MED13L: variants seen among roughly 807,000 people sequenced by gnomAD.
The protein encoded by MED13L is mediator of RNA polymerase II transcription subunit 13-like.
A neutral mutation model predicts 220.9 loss-of-function variants in MED13L; 7 were observed. The observed-to-expected ratio is 0.03, with a 90% CI of 0.02 to 0.06. The LOEUF (loss-of-function observed/expected upper bound fraction) is 0.06, where lower values mean the gene tolerates loss of function less well. Among genes scored for constraint, MED13L ranks in the 10% least tolerant of loss-of-function variants. The probability of loss-of-function intolerance (pLI) is 1.00; values close to 1 mark genes in which losing one functional copy is unlikely to be tolerated. For synonymous variants in MED13L, 1,011 were observed against 1,015.2 expected, an observed-to-expected ratio of 1.00 and a Z score of 0.08; for missense variants, 1,965 against 2,760.5, an observed-to-expected ratio of 0.71 and a Z score of 6.46.
chr12:116,007,369 G>C, intron 11 of MED13L, 42 bp downstream of exon 11: 10 of 1,562,880 alleles, frequency 6.4e-6, no homozygotes, highest in Non-Finnish European at 8.8e-6. Context: ...GACATAGATA[G>C]AAACCCACAC....
intron 3 of MED13L, among the ~76,000 whole-genome samples, chr12:116,102,878 C>T (rs757076375): frequency 6.6e-6 from 1 of 151,722 alleles, no homozygotes; most frequent in African/African-American, 2.4e-5. Context: ...CGCCCCACCA[C>T]GCCTAATTTT....
chr12:116,181,869 T>C (rs1025618047), intron 2 of MED13L, among the ~76,000 whole-genome samples: 6 of 152,196 alleles, frequency 3.9e-5, no homozygotes, highest in Non-Finnish European at 8.8e-5. Context: ...TAAGATTACA[T>C]TTCTTCAAAC....
intron 2 of MED13L, among the ~76,000 whole-genome samples, chr12:116,139,164 CT>C (rs35030526): frequency 0.02 from 3,019 of 152,298 alleles, 55 homozygotes; most frequent in Non-Finnish European, 0.031. Flanking sequence ...CAAAGACCCC[CT>C]GAGTCAAGAA....
chr12:116,198,432 T>C (rs567217385), intron 2 of MED13L, among the ~76,000 whole-genome samples: 1 of 152,314 alleles, frequency 6.6e-6, no homozygotes, highest in Admixed American at 6.5e-5. Context: ...AATCTAACTC[T>C]TCTGTAAAGG....
At chr12:116,122,182 A>G (rs1875162398) in intron 2 of MED13L, among the ~76,000 whole-genome samples, 1 of 152,230 alleles carries the variant, frequency 6.6e-6, no homozygotes, top group Non-Finnish European at 1.5e-5. Flanking sequence ...ACATGTATCC[A>G]CTTAATCTAA....
At chr12:116,084,570 GA>G (rs1441058525) in intron 4 of MED13L, among the ~76,000 whole-genome samples, 1 of 152,062 alleles carries the variant, frequency 6.6e-6, no homozygotes, top group Non-Finnish European at 1.5e-5. Context: ...ATCATTAGCA[GA>G]AAAAAGTTAT....
chr12:115,966,032 A>C, intron 29 of MED13L, 50 bp downstream of exon 29: 1 of 1,593,840 alleles, frequency 6.3e-7, no homozygotes, highest in Non-Finnish European at 8.6e-7. Context: ...ATTAAATTTA[A>C]GCGTAAATCA....
intron 8 of MED13L, 97 bp downstream of exon 8, chr12:116,015,012 T>C (rs966620455): frequency 3.4e-6 from 4 of 1,191,984 alleles, no homozygotes; most frequent in Middle Eastern, 2.1e-4. Context: ...CCTCTCAAGT[T>C]TGGTCACACA....
At chr12:116,191,667 G>A (rs1004594881) in intron 2 of MED13L, among the ~76,000 whole-genome samples, 1 of 151,968 alleles carries the variant, frequency 6.6e-6, no homozygotes, top group Non-Finnish European at 1.5e-5. Context: ...TAAAAAATTA[G>A]AATTTTTTTA....
intron 3 of MED13L, among the ~76,000 whole-genome samples, chr12:116,105,872 C>T (rs139259125): frequency 6.6e-6 from 1 of 152,226 alleles, no homozygotes; most frequent in East Asian, 1.9e-4. Context: ...CCTTGTTATG[C>T]ATTAGATTTT....
intron 2 of MED13L, among the ~76,000 whole-genome samples, chr12:116,217,094 G>C (rs1883044350): frequency 6.6e-6 from 1 of 152,182 alleles, no homozygotes; most frequent in African/African-American, 2.4e-5. Context: ...AGTATCAACT[G>C]AAGACCCTAA....
intron 2 of MED13L, among the ~76,000 whole-genome samples, chr12:116,190,956 G>C (rs1881235163): frequency 6.6e-6 from 1 of 151,998 alleles, no homozygotes; most frequent in African/African-American, 2.4e-5. Context: ...GTCGGGCGTG[G>C]TGGTGCGTGC....
At chr12:115,981,106 C>T (rs1373978815) in intron 22 of MED13L, among the ~76,000 whole-genome samples, 168 bp from the exon 23 acceptor site, 4 of 152,102 alleles carry the variant, frequency 2.6e-5, no homozygotes, top group African/African-American at 9.7e-5. Context: ...ATAATTAAAT[C>T]CTAATTCCTT....
intron 4 of MED13L, among the ~76,000 whole-genome samples, chr12:116,060,258 A>T (rs867820630): frequency 3.7e-4 from 55 of 147,446 alleles, no homozygotes; most frequent in African/African-American, 9.9e-4. Flanking sequence ...GCCTCAAATT[A>T]AAAAAAAAAA....
intron 4 of MED13L, among the ~76,000 whole-genome samples, chr12:116,024,144 T>C (rs889451215): frequency 2.6e-5 from 4 of 152,156 alleles, no homozygotes; most frequent in African/African-American, 4.8e-5. Flanking sequence ...ACTACAGCCA[T>C]AGAACATGTT....
intron 7 of MED13L, among the ~76,000 whole-genome samples, chr12:116,016,386 T>C (rs1592950379): frequency 6.6e-6 from 1 of 152,276 alleles, no homozygotes; most frequent in Middle Eastern, 3.4e-3. Flanking sequence ...ACAAATGAGA[T>C]AAGAAATTTG....
chr12:116,130,599 A>C (rs931553039), intron 2 of MED13L, among the ~76,000 whole-genome samples: 2 of 152,236 alleles, frequency 1.3e-5, no homozygotes, highest in Non-Finnish European at 1.5e-5. Flanking sequence ...ACTGAGCTCC[A>C]ATCTGCAGCC....
At chr12:116,161,298 C>T (rs939570126) in intron 2 of MED13L, among the ~76,000 whole-genome samples, 1 of 152,142 alleles carries the variant, frequency 6.6e-6, no homozygotes, top group Non-Finnish European at 1.5e-5. Context: ...CCTTCTCCCA[C>T]AGCAGCTCCT....
intron 2 of MED13L, among the ~76,000 whole-genome samples, chr12:116,117,132 A>C (rs1353455387): frequency 6.6e-6 from 1 of 152,076 alleles, no homozygotes; most frequent in Non-Finnish European, 1.5e-5. Flanking sequence ...AGGAACTTCC[A>C]ATACAAGAAA....
Sources: allele counts gnomAD v4.1 joint callset (sites outside exome capture counted in the v4.1 genomes callset), GRCh38; gene constraint gnomAD v4.1.1; transcripts MANE v1.5; gene names NCBI Gene and HGNC (gene_info 2026-07-23, HGNC 2026-07-21).